DCLK1: variants seen among roughly 807,000 people sequenced by gnomAD.
DCLK1 encodes the protein doublecortin like kinase 1, also known as serine/threonine-protein kinase DCLK1.
A neutral mutation model predicts 86.2 loss-of-function variants in DCLK1; 16 were observed. That is an observed-to-expected ratio of 0.19 (90% CI 0.13 to 0.28). DCLK1 has a LOEUF of 0.28. Among genes scored for constraint, DCLK1 ranks in the 10% least tolerant of loss-of-function variants. DCLK1 has a pLI of 1.00. For missense variants in DCLK1, 590 were observed against 940.2 expected (o/e 0.63, Z 4.87); for synonymous variants, 369 against 370.5 (o/e 1.00, Z 0.05).
chr13:35,958,692 T>C (rs1394766362), intron 3 of DCLK1, among the ~76,000 whole-genome samples: 3 of 152,246 alleles, frequency 2.0e-5, no homozygotes, highest in Non-Finnish European at 2.9e-5. Flanking sequence ...AGCATATTAG[T>C]CTGTGTTTTG....
intron 3 of DCLK1, among the ~76,000 whole-genome samples, chr13:36,023,583 C>A (rs533118186): frequency 1.3e-5 from 2 of 152,264 alleles, no homozygotes; most frequent in South Asian, 4.2e-4. Context: ...TCCAAAACAT[C>A]CTCCAAGTTG....
At chr13:35,809,425 A>T (rs1934309894) in intron 12 of DCLK1, among the ~76,000 whole-genome samples, 1 of 152,232 alleles carries the variant, frequency 6.6e-6, no homozygotes, top group African/African-American at 2.4e-5. Flanking sequence ...GACCCTTGAG[A>T]TAAACTCCCT....
At chr13:35,984,897 G>GCACACA (rs10598942) in intron 3 of DCLK1, among the ~76,000 whole-genome samples, 1 of 148,254 alleles carries the variant, frequency 6.7e-6, no homozygotes, top group East Asian at 2.0e-4. Context: ...GCGTGCGCAT[G>GCACACA]CACACACACA....
Position 36,093,011 on chromosome 13 carries a change from A to C in DCLK1, c.723+18858T>G, listed in dbSNP as rs562341967. Among the ~76,000 whole-genome samples, 16 of 152,366 alleles carry C rather than the reference A, an allele frequency of 1.1e-4. No homozygotes were observed. The South Asian group carries it at 3.3e-3, about 32-fold the overall frequency. On this transcript the variant is annotated intron_variant, in intron 3 of 16. Coordinates refer to ENST00000360631, the MANE Select transcript of DCLK1 (RefSeq NM_001330071.2). ...CTTTGGAGAGGAAAGTATTGTTAAC[A>C]TCACTGATAATTAGGCCTTCCCGAA... is the stretch of plus-strand genomic sequence containing the variant.
chr13:36,001,604 T>C (rs1484111492), intron 3 of DCLK1, among the ~76,000 whole-genome samples: 1 of 152,134 alleles, frequency 6.6e-6, no homozygotes, highest in Non-Finnish European at 1.5e-5. Flanking sequence ...ATTGACTTTG[T>C]GTTTTAAATG....
At chr13:35,843,061 C>T (rs1332855300) in intron 6 of DCLK1, among the ~76,000 whole-genome samples, 1 of 152,222 alleles carries the variant, frequency 6.6e-6, no homozygotes, top group African/African-American at 2.4e-5. Flanking sequence ...CCTTTGTTTA[C>T]AACCAACGGA....
intron 4 of DCLK1, among the ~76,000 whole-genome samples, chr13:35,920,289 T>C (rs1340433808): frequency 6.6e-6 from 1 of 152,196 alleles, no homozygotes; most frequent in Non-Finnish European, 1.5e-5. Context: ...TTGACACGTA[T>C]GGAGCATAGC....
chr13:35,998,310 T>C (rs1200235185), intron 3 of DCLK1, among the ~76,000 whole-genome samples: 1 of 152,164 alleles, frequency 6.6e-6, no homozygotes, highest in Non-Finnish European at 1.5e-5. Context: ...TGCCCTTCAA[T>C]AGTTTTGAGT....
chr13:36,014,847 T>G (rs1881469251), intron 3 of DCLK1, among the ~76,000 whole-genome samples: 1 of 152,180 alleles, frequency 6.6e-6, no homozygotes, highest in Non-Finnish European at 1.5e-5. Flanking sequence ...AATCATATGT[T>G]TTTGACCTTG....
rs1458036801 is a variant in DCLK1, at chr13:36,067,390, A to T, written c.723+44479T>A. Reference sequence around the variant, plus strand: ...ACATGGACACAGGAAGGGGAACATCACACCCTGGGGACTGTTGTGGGGTGG... The same window carrying T: ...ACATGGACACAGGAAGGGGAACATCTCACCCTGGGGACTGTTGTGGGGTGG... On this transcript the variant is annotated intron_variant, in intron 3 of 16. Transcript: ENST00000360631. 2.6e-4 allele frequency among the ~76,000 whole-genome samples: 34 copies of T among 131,332 alleles called. No individual in the cohort carries two copies. In the East Asian group the frequency reaches 6.8e-3, roughly 26 times the overall value. The allele number at this position is 131,332 out of a possible 152,430, so 86.2% of individuals were successfully genotyped here.
At chr13:35,852,313 T>C (rs958896556) in intron 6 of DCLK1, among the ~76,000 whole-genome samples, 2 of 152,200 alleles carry the variant, frequency 1.3e-5, no homozygotes, top group African/African-American at 4.8e-5. Context: ...GTTGCCTATA[T>C]GCCAAGATGA....
intron 3 of DCLK1, among the ~76,000 whole-genome samples, chr13:36,051,977 A>T (rs74044334): frequency 6.6e-6 from 1 of 152,134 alleles, no homozygotes; most frequent in Admixed American, 6.5e-5. Flanking sequence ...AAGTTAAATT[A>T]CCTTCTTAGA....
intron 3 of DCLK1, among the ~76,000 whole-genome samples, chr13:36,111,024 C>T (rs900412477): frequency 6.6e-5 from 10 of 151,514 alleles, no homozygotes; most frequent in Non-Finnish European, 1.5e-4. Context: ...TGAGTAGAGA[C>T]GGGGTTTCAC....
At chr13:35,920,912 G>A (rs1344952464) in intron 4 of DCLK1, among the ~76,000 whole-genome samples, 2 of 152,020 alleles carry the variant, frequency 1.3e-5, no homozygotes, top group Non-Finnish European at 2.9e-5. Context: ...CCTGCATTCA[G>A]TAAGTCACCG....
chr13:35,982,231 A>G (rs936784879), intron 3 of DCLK1, among the ~76,000 whole-genome samples: 4 of 151,850 alleles, frequency 2.6e-5, no homozygotes, highest in East Asian at 1.9e-4. Flanking sequence ...AAGAGGGAAC[A>G]AGGCTGGGTC....
At position 35,842,004 on chromosome 13, in the gene DCLK1, C is replaced by T. The variant is rs1869832587; in HGVS notation, c.1036-2828G>A. 3.3e-5 allele frequency among the ~76,000 whole-genome samples: 5 copies of T among 151,814 alleles called. No homozygotes were observed. In the South Asian group the frequency reaches 1.0e-3, roughly 32 times the overall value. ...AATACTTCTAGTACTGAACATACTA[C>T]TTCCTGAGGCAGCCCTTCATCATTA... is the stretch of plus-strand genomic sequence containing the variant. On this transcript the variant is annotated intron_variant, in intron 6 of 16. Transcript: ENST00000360631.
At chr13:35,961,763 C>CA (rs1293144493) in intron 3 of DCLK1, among the ~76,000 whole-genome samples, 3 of 152,046 alleles carry the variant, frequency 2.0e-5, no homozygotes, top group African/African-American at 4.8e-5. Context: ...TTTAAAACCA[C>CA]AAAAAAGGCA....
At chr13:36,052,318 T>A (rs975974192) in intron 3 of DCLK1, among the ~76,000 whole-genome samples, 6 of 152,120 alleles carry the variant, frequency 3.9e-5, no homozygotes, top group Non-Finnish European at 7.4e-5. Flanking sequence ...CTCTTAGCAA[T>A]GACAAGATCA....
chr13:36,131,315 G>T lies in DCLK1; in HGVS notation c.-221C>A, dbSNP rs1005689296. ...CTAGTGCAGGGATGTGCCTCGGCCCGTCCTCATTGAAATGCGGCGCTTCGC... is the reference window on the plus strand; with the variant it reads ...CTAGTGCAGGGATGTGCCTCGGCCCTTCCTCATTGAAATGCGGCGCTTCGC... On this transcript the variant is annotated 5_prime_UTR_variant, in exon 1 of 17. Transcript: ENST00000360631. The T allele has an allele frequency of 2.5e-5, 4 of 159,980 alleles. No individual in the cohort carries two copies. The highest frequency in any genetic ancestry group is 7.3e-5 in the African/African-American group (3 of 41,314). 9.9% of individuals were successfully genotyped at this position (159,980 alleles called of 1,614,324 possible).
Sources: gnomAD v4.1 joint callset for allele counts (sites outside exome capture counted in the v4.1 genomes callset) on GRCh38, gnomAD v4.1.1 for gene constraint, MANE v1.5 for transcripts, NCBI Gene and HGNC (gene_info 2026-07-23, HGNC 2026-07-21) for gene names.